The following NPAS3 variants were observed in gnomAD, a reference collection of about 807,000 sequenced individuals.
The protein encoded by NPAS3 is neuronal PAS domain-containing protein 3.
In NPAS3, 14 loss-of-function variants were observed where a neutral mutation model predicts 73.1. The ratio of observed to expected loss-of-function variants is 0.19; its 90% CI spans 0.13 to 0.30. NPAS3 has a LOEUF of 0.30. Among genes scored for constraint, NPAS3 ranks in the 10% least tolerant of loss-of-function variants. The probability of loss-of-function intolerance (pLI) is 1.00; values close to 1 mark genes in which losing one functional copy is unlikely to be tolerated. For missense variants in NPAS3, 1,096 were observed against 1,250.0 expected, an observed-to-expected ratio of 0.88 and a Z score of 1.86; for synonymous variants, 620 against 541.5, an observed-to-expected ratio of 1.14 and a Z score of -2.01.
At chr14:33,730,657 A>G (rs2061376644) in intron 6 of NPAS3, among the ~76,000 whole-genome samples, 1 of 152,110 alleles carries the variant, frequency 6.6e-6, no homozygotes, top group Non-Finnish European at 1.5e-5. Context: ...TGGCTGAGGA[A>G]GTGCAGTCCT....
At chr14:33,315,881 T>G (rs1201104891) in intron 3 of NPAS3, among the ~76,000 whole-genome samples, 1 of 152,066 alleles carries the variant, frequency 6.6e-6, no homozygotes, top group East Asian at 1.9e-4. Flanking sequence ...GACGTATTAG[T>G]CTCAAGTTTC....
intron 5 of NPAS3, among the ~76,000 whole-genome samples, chr14:33,586,576 TG>T (rs2056869408): frequency 6.6e-6 from 1 of 152,218 alleles, no homozygotes; most frequent in Non-Finnish European, 1.5e-5. Flanking sequence ...TAAATACATT[TG>T]GAGATGTATC....
At chr14:32,964,987 G>T (rs2037092450) in intron 1 of NPAS3, among the ~76,000 whole-genome samples, 2 of 152,064 alleles carry the variant, frequency 1.3e-5, no homozygotes, top group Non-Finnish European at 2.9e-5. Flanking sequence ...CAAAAAGAAA[G>T]AAATGGTAGC....
intron 5 of NPAS3, among the ~76,000 whole-genome samples, chr14:33,623,173 G>C (rs971218674): frequency 3.3e-5 from 5 of 152,224 alleles, no homozygotes; most frequent in East Asian, 3.9e-4. Context: ...CAACTATAAA[G>C]TGTAACAGTA....
At chr14:33,383,166 T>A (rs1042025888) in intron 4 of NPAS3, among the ~76,000 whole-genome samples, 2 of 151,686 alleles carry the variant, frequency 1.3e-5, no homozygotes, top group African/African-American at 2.4e-5. Flanking sequence ...TGTGAAAAAA[T>A]TTCAAAATGG....
intron 2 of NPAS3, among the ~76,000 whole-genome samples, chr14:33,091,964 A>G (rs969661908): frequency 1.3e-5 from 2 of 152,220 alleles, no homozygotes. Context: ...TATTGATGGG[A>G]TGTATCTCAA....
In NPAS3 at chr14:33,358,083, A is replaced by G. The variant is rs150889771; in HGVS notation, c.386-9103A>G. 2.3e-3 allele frequency among the ~76,000 whole-genome samples: 348 copies of G among 152,260 alleles called. 1 individual carries two copies. Among genetic ancestry groups the G allele is most frequent in the African/African-American group, 7.9e-3 (329 of 41,558 alleles). On this transcript the variant is annotated intron_variant, in intron 3 of 11. Transcript: ENST00000356141. ...AGCACATCCTGGAAATGGAGCACAT[A>G]TTCTACAGTAAGTGACTGGAATCAC...
At chr14:33,355,575 G>C (rs2045302395) in intron 3 of NPAS3, among the ~76,000 whole-genome samples, 1 of 152,196 alleles carries the variant, frequency 6.6e-6, no homozygotes, top group Non-Finnish European at 1.5e-5. Context: ...TGAGGTTCCA[G>C]GCGTGAGCCA....
intron 4 of NPAS3, among the ~76,000 whole-genome samples, chr14:33,481,962 A>C (rs1235640891): frequency 6.6e-6 from 1 of 152,094 alleles, no homozygotes; most frequent in Non-Finnish European, 1.5e-5. Context: ...CAGTGTAGGT[A>C]AGAAAGGTAT....
intron 2 of NPAS3, among the ~76,000 whole-genome samples, chr14:33,086,660 T>C (rs2042035060): frequency 6.6e-6 from 1 of 152,226 alleles, no homozygotes; most frequent in African/African-American, 2.4e-5. Context: ...CCCTTTATTC[T>C]GACCTAAAAT....
intron 1 of NPAS3, among the ~76,000 whole-genome samples, chr14:33,004,984 C>T (rs2038950300): frequency 6.6e-6 from 1 of 151,838 alleles, no homozygotes; most frequent in African/African-American, 2.4e-5. Context: ...ATGCTTGGAG[C>T]CGTCATCTCC....
intron 1 of NPAS3, among the ~76,000 whole-genome samples, chr14:33,036,676 T>C (rs1448588257): frequency 6.6e-6 from 1 of 152,174 alleles, no homozygotes; most frequent in Non-Finnish European, 1.5e-5. Flanking sequence ...AAATTAGTCG[T>C]CATATAGTAT....
chr14:33,307,946 T>C (rs2042825845), intron 3 of NPAS3, among the ~76,000 whole-genome samples: 1 of 152,162 alleles, frequency 6.6e-6, no homozygotes, highest in Non-Finnish European at 1.5e-5. Context: ...ACCCCTCATG[T>C]AGCGCCACAT....
intron 5 of NPAS3, among the ~76,000 whole-genome samples, chr14:33,665,859 G>GA (rs897100250): frequency 7.4e-4 from 110 of 149,088 alleles, no homozygotes; most frequent in African/African-American, 2.1e-3. Context: ...CACCTACTGG[G>GA]AAAAAAAAAA....
intron 1 of NPAS3, among the ~76,000 whole-genome samples, chr14:32,944,633 T>G (rs1302847290): frequency 1.3e-5 from 2 of 152,162 alleles, no homozygotes; most frequent in Non-Finnish European, 1.5e-5. Flanking sequence ...CTGAGCCTCA[T>G]TAGTGTGAAT....
intron 5 of NPAS3, among the ~76,000 whole-genome samples, chr14:33,663,494 C>T (rs946595891): frequency 5.9e-5 from 9 of 152,054 alleles, no homozygotes; most frequent in African/African-American, 1.4e-4. Flanking sequence ...ATTTTCAAAT[C>T]GATGTTCATC....
chr14:33,553,683 G>T (rs2055225520), intron 4 of NPAS3, among the ~76,000 whole-genome samples: 1 of 152,176 alleles, frequency 6.6e-6, no homozygotes, highest in Admixed American at 6.5e-5. Flanking sequence ...GTTAAATAAA[G>T]CCTAAACCTT....
At chr14:32,975,750 T>TAAAAC (rs141953929) in intron 1 of NPAS3, among the ~76,000 whole-genome samples, 10,922 of 152,026 alleles carry the variant, frequency 0.072, 501 homozygotes, top group South Asian at 0.14. Flanking sequence ...TGGTAGTTAA[T>TAAAAC]AAAACAAAAC....
Position 33,171,016 on chromosome 14 carries a change from G to A in NPAS3, c.141-44166G>A, listed in dbSNP as rs538116668. On this transcript the variant is annotated intron_variant, in intron 2 of 11. Transcript: ENST00000356141. ...ATCCATTAGAGGAATCACTACCTAC[G>A]GCAGTGACAGTCTTATGAAATGCAT... 1.6e-4 allele frequency among the ~76,000 whole-genome samples: 24 copies of A among 152,258 alleles called. No homozygotes were observed. In the South Asian group the frequency reaches 2.3e-3, roughly 14 times the overall value.
Sources: gnomAD v4.1 joint callset for allele counts (sites outside exome capture counted in the v4.1 genomes callset) on GRCh38, gnomAD v4.1.1 for gene constraint, MANE v1.5 for transcripts, NCBI Gene and HGNC (gene_info 2026-07-23, HGNC 2026-07-21) for gene names.